Variants in PDSS2 observed in about 807,000 individuals in gnomAD.
PDSS2 encodes the protein all trans-polyprenyl-diphosphate synthase PDSS2.
Under a neutral mutation model 44.5 loss-of-function variants are expected in PDSS2, and 31 were observed. The ratio of observed to expected loss-of-function variants is 0.70; its 90% CI spans 0.52 to 0.94. The LOEUF (loss-of-function observed/expected upper bound fraction) is 0.94, where lower values mean the gene tolerates loss of function less well. Ranked by LOEUF, PDSS2 falls within the 40% of genes least tolerant of loss-of-function variation. The pLI is 0.00. For missense variants in PDSS2, 452 were observed against 482.2 expected (o/e 0.94, Z 0.59); for synonymous variants, 157 against 180.3 (o/e 0.87, Z 1.03).
intron 7 of PDSS2, among the ~76,000 whole-genome samples, chr6:107,179,500 C>G (rs1431476815): frequency 7.1e-6 from 1 of 141,786 alleles, no homozygotes; most frequent in Non-Finnish European, 1.5e-5. Flanking sequence ...AGGCTGGTCT[C>G]AAACTCCTGG....
chr6:107,417,758 T>C (rs1780705721), intron 1 of PDSS2, among the ~76,000 whole-genome samples: 1 of 143,902 alleles, frequency 6.9e-6, no homozygotes, highest in Non-Finnish European at 1.5e-5. Context: ...AGACCCTATC[T>C]TCAAAAAAAT....
intron 1 of PDSS2, among the ~76,000 whole-genome samples, chr6:107,358,450 G>C (rs973376883): frequency 6.6e-6 from 1 of 151,934 alleles, no homozygotes; most frequent in African/African-American, 2.4e-5. Flanking sequence ...AACAATTTTT[G>C]GTTTATTCAC....
rs569251348 is a variant in PDSS2 at position 107,277,148 on chromosome 6, T to C, written c.432-2921A>G. ...CCCATTGAAAGCTTCTATCTTTCCT[T>C]TTTTTCTGTAGACCTCATCTGTGTC... On this transcript the variant is annotated intron_variant, in intron 2 of 7. Transcript: ENST00000369037. Among the ~76,000 whole-genome samples the C allele has an allele frequency of 9.2e-5, 14 of 152,360 alleles. No homozygotes were observed. In the South Asian group the frequency reaches 1.4e-3, roughly 16 times the overall value.
In PDSS2 at chr6:107,205,183, T is replaced by C. The variant is rs896839661; in HGVS notation, c.1008+5256A>G. 4.6e-5 allele frequency among the ~76,000 whole-genome samples: 7 copies of C among 152,320 alleles called. No individual in the cohort carries two copies. The South Asian group carries it at 8.3e-4, about 18-fold the overall frequency. On this transcript the variant is annotated intron_variant, in intron 6 of 7. Coordinates refer to ENST00000369037, the MANE Select transcript of PDSS2 (RefSeq NM_020381.4). Reference sequence around the variant, plus strand: ...GTTTTACTTTCTGAATAAGGAGCAATAGTAAGCTATCTAGGGACAAGCGAG... The same window carrying C: ...GTTTTACTTTCTGAATAAGGAGCAACAGTAAGCTATCTAGGGACAAGCGAG...
chr6:107,235,087 C>G (rs1774180334), intron 4 of PDSS2, among the ~76,000 whole-genome samples: 1 of 152,128 alleles, frequency 6.6e-6, no homozygotes, highest in Admixed American at 6.6e-5. Flanking sequence ...CATAATTGTT[C>G]TAGCTTCTGC....
chr6:107,429,900 AAATATATATATATATATAT>A (rs1374485476), intron 1 of PDSS2, among the ~76,000 whole-genome samples: 15 of 42,330 alleles, frequency 3.5e-4, no homozygotes, highest in African/African-American at 1.3e-3. Flanking sequence ...AAAAAAAAAA[AAATATATATATATATATAT>A]ATATATATAT....
chr6:107,309,673 C>A (rs985547079), intron 2 of PDSS2, among the ~76,000 whole-genome samples: 5 of 152,096 alleles, frequency 3.3e-5, no homozygotes, highest in Admixed American at 2.6e-4. Flanking sequence ...GCTGTCATTG[C>A]GAATCCTTGA....
At chr6:107,229,315 T>C (rs1485031542) in intron 4 of PDSS2, among the ~76,000 whole-genome samples, 1 of 151,910 alleles carries the variant, frequency 6.6e-6, no homozygotes, top group African/African-American at 2.4e-5. Context: ...GCCTCCAGAG[T>C]AGCTGGGGTT....
rs1309036027 is a variant in PDSS2, at chr6:107,334,237, G to A, written c.392C>T (p.Ser131Leu). Residue 131 changes from serine (S) to leucine (L), a missense_variant, in exon 2 of 8, where the codon TCA becomes TTA. Coordinates refer to ENST00000369037, the MANE Select transcript of PDSS2 (RefSeq NM_020381.4). ...ACTGACCATGTCATAGTTCTGACAT[G>A]AAGTGTTCACGCTGCTGGGCCCAGC... ...KAAGPSSVNT[S>L]CQNYDMVSGI... The A allele has an allele frequency of 6.2e-7, 1 of 1,613,700 alleles. No individual in the cohort carries two copies. The highest frequency in any genetic ancestry group is 2.2e-5 in the East Asian group (1 of 44,864).
chr6:107,191,873 A>G (rs755153350), intron 7 of PDSS2, among the ~76,000 whole-genome samples: 6 of 152,158 alleles, frequency 3.9e-5, no homozygotes, highest in South Asian at 2.1e-4. Flanking sequence ...CAGCCTCTCA[A>G]AATGCTGGGA....
intron 1 of PDSS2, among the ~76,000 whole-genome samples, chr6:107,373,712 A>C (rs1358904041): frequency 6.6e-6 from 1 of 152,194 alleles, no homozygotes; most frequent in Non-Finnish European, 1.5e-5. Flanking sequence ...CCTGATTGGA[A>C]TTAACTCCCA....
chr6:107,379,097 G>T (rs1231913656), intron 1 of PDSS2, among the ~76,000 whole-genome samples: 1 of 152,144 alleles, frequency 6.6e-6, no homozygotes, highest in Non-Finnish European at 1.5e-5. Flanking sequence ...TTGGGATAGG[G>T]TATCTATACA....
intron 1 of PDSS2, among the ~76,000 whole-genome samples, chr6:107,425,181 G>A (rs1356154207): frequency 6.6e-6 from 1 of 152,140 alleles, no homozygotes; most frequent in Non-Finnish European, 1.5e-5. Context: ...CCAGTCTTGG[G>A]TATGTTTTAT....
chr6:107,420,838 C>A (rs80043860), intron 1 of PDSS2, among the ~76,000 whole-genome samples: 5,690 of 148,246 alleles, frequency 0.038, 354 homozygotes, highest in African/African-American at 0.13. Flanking sequence ...AAAAAAAAAA[C>A]CAGTAACTGG....
intron 3 of PDSS2, among the ~76,000 whole-genome samples, chr6:107,254,398 C>A (rs1310508973): frequency 1.3e-5 from 2 of 151,998 alleles, no homozygotes; most frequent in African/African-American, 4.8e-5. Context: ...CGTTTTCCAG[C>A]AGATTTTTTA....
intron 1 of PDSS2, among the ~76,000 whole-genome samples, chr6:107,372,175 T>C (rs1779145664): frequency 6.6e-6 from 1 of 152,192 alleles, no homozygotes; most frequent in Admixed American, 6.5e-5. Context: ...CACCAAACTG[T>C]GGGCTGGAAG....
chr6:107,255,980 T>G (rs1229350018), intron 3 of PDSS2, among the ~76,000 whole-genome samples: 1 of 152,048 alleles, frequency 6.6e-6, no homozygotes. Context: ...TGCTGATGCT[T>G]AGCTTCATTT....
At chr6:107,458,421 A>AAAAAAAAAAAAAC (rs1184094838) in intron 1 of PDSS2, among the ~76,000 whole-genome samples, 4 of 99,650 alleles carry the variant, frequency 4.0e-5, no homozygotes, top group Non-Finnish European at 9.1e-5. Context: ...TCAAAAAAAA[A>AAAAAAAAAAAAAC]AAAAAAAAAA....
chr6:107,154,821 C>A, intron 7 of PDSS2, 44 bp from the exon 8 acceptor site: 1 of 1,546,596 alleles, frequency 6.5e-7, no homozygotes, highest in African/African-American at 1.4e-5. Flanking sequence ...TTTAAAGGTA[C>A]ACAGTAAGCA....
Sources: allele counts gnomAD v4.1 joint callset (sites outside exome capture counted in the v4.1 genomes callset), GRCh38; gene constraint gnomAD v4.1.1; transcripts MANE v1.5; gene names NCBI Gene and HGNC (gene_info 2026-07-23, HGNC 2026-07-21).